Variants in DYRK4 observed in about 807,000 individuals in gnomAD.
DYRK4 encodes dual specificity tyrosine phosphorylation regulated kinase 4.
DYRK4 carries 64 observed loss-of-function variants against 68.3 expected under a neutral mutation model. The ratio of observed to expected loss-of-function variants is 0.94; its 90% confidence interval spans 0.77 to 1.15. The LOEUF is 1.15. Among genes scored for constraint, DYRK4 ranks in the 50% most tolerant of loss-of-function variants. DYRK4 has a pLI of 0.00. For missense variants in DYRK4, 740 were observed against 764.7 expected, an observed-to-expected ratio of 0.97 and a Z score of 0.38; for synonymous variants, 274 against 289.9, an observed-to-expected ratio of 0.95 and a Z score of 0.56.
At chr12:4,563,223 T>C in intron 1 of DYRK4, 1 of 441,372 alleles carries the variant, frequency 2.3e-6, no homozygotes, top group Non-Finnish European at 4.6e-6. Flanking sequence ...ACATGCACTC[T>C]ACCTTATTGT....
intron 2 of DYRK4, among the ~76,000 whole-genome samples, chr12:4,574,972 G>A (rs916377797): frequency 9.9e-5 from 15 of 152,168 alleles, no homozygotes; most frequent in Admixed American, 9.8e-4. Flanking sequence ...CACCAGCCTC[G>A]GCATCCCAAA....
At chr12:4,608,662 A>G (rs993763703) in intron 12 of DYRK4, among the ~76,000 whole-genome samples, 4 of 152,150 alleles carry the variant, frequency 2.6e-5, no homozygotes, top group African/African-American at 4.8e-5. Context: ...GCTGAAGGCC[A>G]AGCAAGCAGA....
chr12:4,593,952 G>C (rs1944986034), intron 6 of DYRK4, among the ~76,000 whole-genome samples: 1 of 152,224 alleles, frequency 6.6e-6, no homozygotes, highest in Non-Finnish European at 1.5e-5. Flanking sequence ...CCACTTGGAG[G>C]AGCTCGTTAA....
At chr12:4,593,921 TA>T (rs1254848423) in intron 6 of DYRK4, among the ~76,000 whole-genome samples, 1 of 152,244 alleles carries the variant, frequency 6.6e-6, no homozygotes, top group Non-Finnish European at 1.5e-5. Flanking sequence ...TGTGTTTGTC[TA>T]GCATTACTGT....
intron 6 of DYRK4, among the ~76,000 whole-genome samples, chr12:4,593,772 A>G (rs1476106565): frequency 6.6e-6 from 1 of 152,088 alleles, no homozygotes; most frequent in Non-Finnish European, 1.5e-5. Context: ...GCATGTTGGG[A>G]TGTGTGCTGC....
intron 8 of DYRK4, among the ~76,000 whole-genome samples, chr12:4,598,252 A>G (rs1158736577): frequency 1.3e-5 from 2 of 152,266 alleles, no homozygotes; most frequent in East Asian, 1.9e-4. Flanking sequence ...ATACTACCAA[A>G]GCTAGATGAT....
At position 4,567,626 on chromosome 12, in the gene DYRK4, G is replaced by A. The variant is rs186015503; in HGVS notation, c.39-329G>A. On this transcript the variant is annotated intron_variant, in intron 1 of 14. Coordinates refer to ENST00000543431, the MANE Select transcript of DYRK4 (RefSeq NM_001394779.1). ...AACTATCTAAGTAGCCCATGAATACGCCCATCCTGTAAGGGGATATTATGT... is the reference window on the plus strand; with the variant it reads ...AACTATCTAAGTAGCCCATGAATACACCCATCCTGTAAGGGGATATTATGT... 3.1e-3 allele frequency among the ~76,000 whole-genome samples: 479 copies of A among 152,270 alleles called. 5 individuals carry two copies. Among genetic ancestry groups the A allele is most frequent in the African/African-American group, 0.011 (458 of 41,570 alleles).
At chr12:4,587,584 T>C (rs1440814460) in intron 2 of DYRK4, among the ~76,000 whole-genome samples, 6 of 152,300 alleles carry the variant, frequency 3.9e-5, no homozygotes, top group African/African-American at 4.8e-5. Flanking sequence ...AGATTTGCAA[T>C]TGCAATATTT....
chr12:4,562,332 G>GAGGC (rs1195386366), intron 1 of DYRK4, 49 bp downstream of exon 1: 1 of 1,511,472 alleles, frequency 6.6e-7, no homozygotes, highest in Non-Finnish European at 8.8e-7. Flanking sequence ...GCGCGAGTAC[G>GAGGC]AGGCAGGCGA....
rs1944692461 is a variant in DYRK4, at chr12:4,567,809, G to C, written c.39-146G>C. ...CATGTGACCATCAGAAGGGAAGCAA[G>C]GGAGAAGCAGGGACCCTGCTCCTGC... is the stretch of plus-strand genomic sequence containing the variant. On this transcript the variant is annotated intron_variant, in intron 1 of 14. Transcript: ENST00000543431. The C allele has an allele frequency of 4.4e-5, 29 of 654,496 alleles. No homozygotes were observed. In the South Asian group the frequency reaches 5.5e-4, roughly 12 times the overall value. The allele number at this position is 654,496 out of a possible 1,614,324, so 40.5% of individuals were successfully genotyped here.
chr12:4,575,298 A>ATTTTTTGTGTGTGTGTGTGTGTGTGTGT (rs562026104), intron 2 of DYRK4, among the ~76,000 whole-genome samples: 2 of 144,090 alleles, frequency 1.4e-5, no homozygotes, highest in Non-Finnish European at 3.0e-5. Flanking sequence ...ACAATAACTT[A>ATTTTTTGTGTGTGTGTGTGTGTGTGTGT]CTGTGTGTGT....
rs1164042015 is a variant in DYRK4, at chr12:4,591,527, C to G, written c.463+229C>G. 1 of 536,402 alleles carries G rather than the reference C, an allele frequency of 1.9e-6. No homozygotes were observed. The highest frequency in any genetic ancestry group is 1.9e-5 in the African/African-American group (1 of 53,104). The allele number at this position is 536,402 out of a possible 1,614,324, so 33.2% of individuals were successfully genotyped here. A position where few individuals can be genotyped will look rare whatever the true frequency, so the allele number is the denominator to read the frequency against. On this transcript the variant is annotated intron_variant, in intron 5 of 14. Transcript: ENST00000543431. This position sits in a 1 kb window ranked among gnomAD's most constrained non-coding sequence, Gnocchi z 4.1. ...CCCAAGGAGTGGCTCTGGGCAAGGG[C>G]GGGATGTACCAATGCAGACAGAAGG...
chr12:4,565,665 G>T (rs1158612176), intron 1 of DYRK4, among the ~76,000 whole-genome samples: 2 of 149,198 alleles, frequency 1.3e-5, no homozygotes. Context: ...TTGCTCTGTT[G>T]CCCAGGCTGG....
At chr12:4,579,158 C>T (rs938359430) in intron 2 of DYRK4, among the ~76,000 whole-genome samples, 9 of 152,048 alleles carry the variant, frequency 5.9e-5, no homozygotes, top group Admixed American at 5.2e-4. Flanking sequence ...CCTGTAGTCC[C>T]AGCTACTTGA....
intron 2 of DYRK4, among the ~76,000 whole-genome samples, chr12:4,583,519 A>G (rs569950216): frequency 1.8e-4 from 28 of 151,776 alleles, no homozygotes; most frequent in African/African-American, 6.8e-4. Flanking sequence ...CAGTCACAGC[A>G]CCTTTGCTGA....
intron 2 of DYRK4, among the ~76,000 whole-genome samples, chr12:4,570,034 C>T (rs1275367160): frequency 2.3e-4 from 33 of 141,142 alleles, no homozygotes; most frequent in Admixed American, 2.2e-3. Flanking sequence ...AAGACCCTGT[C>T]GCTATAAATA....
intron 12 of DYRK4, among the ~76,000 whole-genome samples, chr12:4,608,963 A>G (rs1591809140): frequency 1.3e-5 from 2 of 152,192 alleles, no homozygotes; most frequent in Non-Finnish European, 2.9e-5. Flanking sequence ...TTCTACCCAC[A>G]ACTTAATAAT....
chr12:4,580,797 A>ATT (rs747948305), intron 2 of DYRK4: 48 of 424,438 alleles, frequency 1.1e-4, no homozygotes, highest in Middle Eastern at 1.1e-3. Flanking sequence ...GCACTTAGGG[A>ATT]TTTTTTTTTT....
intron 6 of DYRK4, among the ~76,000 whole-genome samples, chr12:4,595,942 C>T (rs1325738418): frequency 6.6e-6 from 1 of 152,220 alleles, no homozygotes; most frequent in Non-Finnish European, 1.5e-5. Flanking sequence ...CTTTCCCTGG[C>T]ACCACATGGG....
Sources: allele counts gnomAD v4.1 joint callset (sites outside exome capture counted in the v4.1 genomes callset), GRCh38; gene constraint gnomAD v4.1.1; non-coding constraint Gnocchi (gnomAD v3.1); transcripts MANE v1.5; gene names NCBI Gene and HGNC (gene_info 2026-07-23, HGNC 2026-07-21).